Variants in OTUD4 observed in about 807,000 individuals in gnomAD.
OTUD4 encodes the protein OTU deubiquitinase 4.
A neutral mutation model predicts 130.4 loss-of-function variants in OTUD4; 24 were observed. That is an observed-to-expected ratio of 0.18 (90% CI 0.13 to 0.26). The LOEUF (loss-of-function observed/expected upper bound fraction) is 0.26. OTUD4 is among the 10% of genes least tolerant of loss of function. The pLI is 1.00. For missense variants in OTUD4, 1,031 were observed against 1,329.4 expected, an observed-to-expected ratio of 0.78 and a Z score of 3.49; for synonymous variants, 420 against 472.5, an observed-to-expected ratio of 0.89 and a Z score of 1.44.
intron 2 of OTUD4, among the ~76,000 whole-genome samples, chr4:145,172,915 G>A (rs1392409928): frequency 1.3e-5 from 2 of 152,088 alleles, no homozygotes; most frequent in Admixed American, 6.5e-5. Context: ...CTCTCTGAGA[G>A]TCTCCTTTCT....
chr4:145,171,688 CT>C lies in OTUD4; in HGVS notation c.275del (p.Lys92SerfsTer10). 1 of 1,364,064 alleles carries C rather than the reference CT, an allele frequency of 7.3e-7. No individual in the cohort carries two copies. The highest frequency in any genetic ancestry group is 1.0e-6 in the Non-Finnish European group (1 of 954,764). The allele number at this position is 1,364,064 out of a possible 1,614,324, so 84.5% of individuals were successfully genotyped here. On this transcript the variant is annotated frameshift_variant, in exon 3 of 21. Transcript: ENST00000447906. LOFTEE classifies it high-confidence loss of function. The part of the protein sequence containing the change: ...FIEGSFEEYL[K>X]RLENPQEWVG... ...GACATACCTGTGGATTTTCCAAACG[CT>C]TTAAATATTCTTCAAATGATCCTTC...
rs558502071 is a variant in OTUD4 at position 145,159,747 on chromosome 4, C to G, written c.497-112G>C. On this transcript the variant is annotated intron_variant, in intron 6 of 20. Transcript: ENST00000447906. ...ATTGCTCAGGCTTTTAAAATCCTGA[C>G]TAGATATCTGCTAAACCTTATGGTC... The G allele has an allele frequency of 5.7e-5, 55 of 959,796 alleles. No homozygotes were observed. In the African/African-American group the frequency reaches 8.3e-4, roughly 15 times the overall value. 59.5% of individuals were successfully genotyped at this position (959,796 alleles called of 1,614,324 possible). A position where few individuals can be genotyped will look rare whatever the true frequency, so the allele number is the denominator to read the frequency against.
chr4:145,174,538 A>C, intron 2 of OTUD4, 123 bp downstream of exon 2: 1 of 597,850 alleles, frequency 1.7e-6, no homozygotes, highest in Non-Finnish European at 3.1e-6. Context: ...AAGTTTTTTT[A>C]ATAAGTGTTA....
rs144732315 is a variant in OTUD4 at position 145,141,553 on chromosome 4, G to T, written c.1909C>A (p.Pro637Thr). 1.8e-4 allele frequency: 297 copies of T among 1,610,260 alleles called. No individual in the cohort carries two copies. The highest frequency in any genetic ancestry group is 2.3e-4 in the Non-Finnish European group (272 of 1,177,998). ...DSAVSQAHLT[P>T]SPVPVSIQAV... ...TGTATTGACACAGGAACTGGAGAGG[G>T]TGTTAAATGAGCTTGGGATACAGCT... The change falls in exon 19 of 21, where the codon CCC (proline) becomes ACC (threonine). Residue 637 changes from proline to threonine, a missense_variant. Pro to Thr is a conservative substitution (Grantham distance 38). Transcript: ENST00000447906.
chr4:145,173,024 G>A (rs1025020552), intron 2 of OTUD4, among the ~76,000 whole-genome samples: 1 of 152,124 alleles, frequency 6.6e-6, no homozygotes, highest in Admixed American at 6.5e-5. Flanking sequence ...AACTGAAACT[G>A]CTTGAAGGTT....
At chr4:145,142,071 A>G in intron 18 of OTUD4, 125 bp downstream of exon 18, 1 of 792,064 alleles carries the variant, frequency 1.3e-6, no homozygotes, top group Non-Finnish European at 2.1e-6. Context: ...GCAGAGTATC[A>G]CAGAAAGCTC....
chr4:145,159,411 T>G (rs1037799404), intron 7 of OTUD4, 92 bp downstream of exon 7: 3 of 1,585,820 alleles, frequency 1.9e-6, no homozygotes, highest in Admixed American at 1.8e-5. Flanking sequence ...CCTCAATATA[T>G]GTTATAGAAA....
At chr4:145,169,475 G>A (rs1752044694) in intron 3 of OTUD4, among the ~76,000 whole-genome samples, 1 of 152,028 alleles carries the variant, frequency 6.6e-6, no homozygotes, top group Non-Finnish European at 1.5e-5. Context: ...ATATTAGGAA[G>A]GCAAAAAAAT....
intron 1 of OTUD4, among the ~76,000 whole-genome samples, chr4:145,177,707 G>A (rs934143394): frequency 6.6e-5 from 10 of 152,176 alleles, no homozygotes; most frequent in Non-Finnish European, 1.5e-4. Flanking sequence ...GCCCAAATCC[G>A]TAAGTGTAAA....
intron 3 of OTUD4, among the ~76,000 whole-genome samples, chr4:145,168,093 A>T (rs1232867701): frequency 6.6e-6 from 1 of 152,000 alleles, no homozygotes; most frequent in Non-Finnish European, 1.5e-5. Flanking sequence ...AGCATTTTTT[A>T]TGATGTGTGA....
rs536847222 is a variant in OTUD4 at position 145,157,818 on chromosome 4, C to G, written c.629+1685G>C. Among the ~76,000 whole-genome samples, 3 of 152,140 alleles carry G rather than the reference C, an allele frequency of 2.0e-5. No individual in the cohort carries two copies. The East Asian group carries it at 5.8e-4, about 29-fold the overall frequency. On this transcript the variant is annotated intron_variant, in intron 7 of 20. Transcript: ENST00000447906. ...ACATCTTCTTACACACCTGCTCTAC[C>G]TTCTCTGGTAAACTTCTCCAGCTTA...
In OTUD4 at chr4:145,137,719, G is replaced by C. The variant is rs1408991686; in HGVS notation, c.3056C>G (p.Pro1019Arg). 2 of 1,613,642 alleles carry C rather than the reference G, an allele frequency of 1.2e-6. No individual in the cohort carries two copies. Among genetic ancestry groups the C allele is most frequent in the Non-Finnish European group, 1.7e-6 (2 of 1,179,976 alleles). The change falls in exon 21 of 21, where the codon CCA (proline) becomes CGA (arginine). Residue 1019 changes from proline (P) to arginine (R), a missense_variant. Around this residue, in one of 3 missense-constraint regions of OTUD4, gnomAD observed 900 missense variants for 1,095.9 expected, o/e 0.82. Transcript: ENST00000447906. The part of the protein sequence containing the change: ...ANSVDSRVQR[P>R]KEESSEDENE... Reference sequence around the variant, plus strand: ...TTCATCTTCTGAACTCTCTTCTTTTGGTCTTTGCACTCTGCTATCAACAGA... The same window carrying C: ...TTCATCTTCTGAACTCTCTTCTTTTCGTCTTTGCACTCTGCTATCAACAGA...
intron 3 of OTUD4, among the ~76,000 whole-genome samples, chr4:145,166,785 G>GCCGA (rs1751898482): frequency 6.6e-6 from 1 of 152,146 alleles, no homozygotes; most frequent in Non-Finnish European, 1.5e-5. Context: ...AGTCGAGTAA[G>GCCGA]CCGAGATCGC....
At chr4:145,150,067 C>T (rs961843732) in intron 13 of OTUD4, among the ~76,000 whole-genome samples, 8 of 152,142 alleles carry the variant, frequency 5.3e-5, no homozygotes, top group South Asian at 2.1e-4. Flanking sequence ...TAGCCCCATT[C>T]GGTATTAAGA....
chr4:145,170,455 T>C (rs1370250518), intron 3 of OTUD4, among the ~76,000 whole-genome samples: 1 of 152,240 alleles, frequency 6.6e-6, no homozygotes. Flanking sequence ...TTAGAATCCA[T>C]TCAGACTTCA....
chr4:145,155,341 TTTCTC>T, intron 10 of OTUD4, 65 bp downstream of exon 10: 2 of 1,217,534 alleles, frequency 1.6e-6, no homozygotes, highest in Non-Finnish European at 2.4e-6. Context: ...CCTCAGCTGT[TTTCTC>T]TGTTTGTATT....
chr4:145,141,530 T>C lies in OTUD4; in HGVS notation c.1932A>G (p.Ile644Met), dbSNP rs75726118. Reference protein sequence around the residue: ...HLTPSPVPVSIQAVNQPLMPL... With the variant: ...HLTPSPVPVSMQAVNQPLMPL... ...GCATCAAGGGCTGGTTAACTGCCTG[T>C]ATTGACACAGGAACTGGAGAGGGTG... The change falls in exon 19 of 21, where the codon ATA becomes ATG. Residue 644 changes from isoleucine (I) to methionine (M), a missense_variant. By Grantham distance (10) the Ile-to-Met change is conservative. This residue lies in a region of OTUD4 where 900 missense variants were observed against 1,095.9 expected (regional missense o/e 0.82). Transcript: ENST00000447906. 7.9e-4 allele frequency: 1,274 copies of C among 1,613,338 alleles called. 15 individuals carry two copies. In the African/African-American group the frequency reaches 0.014, roughly 18 times the overall value.
In OTUD4 at chr4:145,152,679, A is replaced by G. The variant is rs372404869; in HGVS notation, c.874-44T>C. ...ATGAAAAGGAAAAAAAAAATCAGTC[A>G]CCTGCTTCCTTTGCATTACTTATCA... On this transcript the variant is annotated intron_variant, in intron 10 of 20. Transcript: ENST00000447906. 8 of 1,075,490 alleles carry G rather than the reference A, an allele frequency of 7.4e-6. No individual in the cohort carries two copies. The African/African-American group carries it at 1.3e-4, about 17-fold the overall frequency. 66.6% of individuals were successfully genotyped at this position (1,075,490 alleles called of 1,614,324 possible).
chr4:145,170,582 T>A (rs1248809296), intron 3 of OTUD4, among the ~76,000 whole-genome samples: 1 of 152,216 alleles, frequency 6.6e-6, no homozygotes, highest in East Asian at 1.9e-4. Flanking sequence ...TAGCTTGTAT[T>A]GACCTTCTTT....
Sources: allele counts gnomAD v4.1 joint callset (sites outside exome capture counted in the v4.1 genomes callset), GRCh38; gene constraint gnomAD v4.1.1; regional missense constraint gnomAD v4.1.1; transcripts MANE v1.5; gene names NCBI Gene and HGNC (gene_info 2026-07-23, HGNC 2026-07-21).